ATL2: variants seen among roughly 807,000 people sequenced by gnomAD.
The protein encoded by ATL2 is atlastin GTPase 2, also known as atlastin-2.
ATL2 carries 31 observed loss-of-function variants against 73.9 expected under a neutral mutation model. The ratio of observed to expected loss-of-function variants is 0.42; its 90% CI spans 0.32 to 0.57. The LOEUF is 0.57. Ranked by LOEUF, ATL2 falls within the 20% of genes least tolerant of loss-of-function variation. ATL2 has a pLI of 0.14. For missense variants in ATL2, 738 were observed against 702.6 expected, an observed-to-expected ratio of 1.05 and a Z score of -0.57; for synonymous variants, 291 against 237.5, an observed-to-expected ratio of 1.23 and a Z score of -2.07.
At chr2:38,309,544 A>T (rs1207582777) in intron 8 of ATL2, 38 bp from the exon 9 acceptor site, 3 of 1,587,032 alleles carry the variant, frequency 1.9e-6, no homozygotes, top group Non-Finnish European at 2.6e-6. Context: ...TTAGTCCAAA[A>T]AAAATTAGGT....
intron 2 of ATL2, among the ~76,000 whole-genome samples, chr2:38,335,873 T>C (rs1000781848): frequency 2.0e-5 from 3 of 152,128 alleles, no homozygotes; most frequent in Non-Finnish European, 4.4e-5. Flanking sequence ...ACCCCGTCTC[T>C]ACTAAAAATA....
chr2:38,311,113 GAACAA>G (rs922942619), intron 7 of ATL2, among the ~76,000 whole-genome samples: 15 of 143,854 alleles, frequency 1.0e-4, no homozygotes, highest in African/African-American at 4.3e-4. Context: ...CAACAAAACA[GAACAA>G]AACAAAAAAA....
chr2:38,329,125 TAA>T (rs56248819), intron 2 of ATL2, among the ~76,000 whole-genome samples: 7 of 113,868 alleles, frequency 6.1e-5, no homozygotes, highest in Admixed American at 9.2e-5. Context: ...ATCATCTATT[TAA>T]AAAAAAAAAA....
chr2:38,359,497 C>T (rs1423850148), intron 1 of ATL2: 1 of 148,988 alleles, frequency 6.7e-6, no homozygotes, highest in East Asian at 2.0e-4. Flanking sequence ...AAAAAAAATG[C>T]TTTAAAGAGT....
intron 2 of ATL2, among the ~76,000 whole-genome samples, chr2:38,329,117 CATCT>C (rs1318573572): frequency 1.5e-5 from 2 of 136,720 alleles, no homozygotes; most frequent in African/African-American, 5.4e-5. Flanking sequence ...AGAACTAGAT[CATCT>C]ATTTAAAAAA....
intron 1 of ATL2, among the ~76,000 whole-genome samples, chr2:38,345,538 C>A (rs1195093009): frequency 6.6e-6 from 1 of 152,142 alleles, no homozygotes; most frequent in East Asian, 1.9e-4. Flanking sequence ...GAGCAAGCCA[C>A]TTCAAAGGAG....
intron 3 of ATL2, 120 bp from the exon 4 acceptor site, chr2:38,318,759 C>T (rs747636257): frequency 1.7e-5 from 23 of 1,321,336 alleles, no homozygotes; most frequent in South Asian, 4.3e-5. Flanking sequence ...ATATCTCATA[C>T]ATTTGACATA....
chr2:38,340,999 A>G (rs1669681702), intron 2 of ATL2, among the ~76,000 whole-genome samples: 1 of 152,218 alleles, frequency 6.6e-6, no homozygotes, highest in African/African-American at 2.4e-5. Flanking sequence ...ATACACGGCA[A>G]TGGGGGGCTG....
chr2:38,347,904 C>T (rs575230400), intron 1 of ATL2, among the ~76,000 whole-genome samples: 44 of 151,212 alleles, frequency 2.9e-4, no homozygotes, highest in African/African-American at 1.0e-3. Context: ...GTAGCTGGAA[C>T]AACAGATGCC....
rs963373432 is a variant in ATL2 at position 38,299,181 on chromosome 2, A to T, written c.1200+75T>A. The T allele has an allele frequency of 5.1e-5, 69 of 1,343,364 alleles. No individual in the cohort carries two copies. The African/African-American group carries it at 5.6e-4, about 11-fold the overall frequency. The allele number at this position is 1,343,364 out of a possible 1,614,324, so 83.2% of individuals were successfully genotyped here. On this transcript the variant is annotated intron_variant, in intron 11 of 12. Transcript: ENST00000378954. Reference sequence around the variant, plus strand: ...CACAAATTCGCTCAATTATTTAAAAAATTTTTTTAATTTTTTTTTTTTTAA... The same window carrying T: ...CACAAATTCGCTCAATTATTTAAAATATTTTTTTAATTTTTTTTTTTTTAA...
At chr2:38,347,279 T>C (rs890625548) in intron 1 of ATL2, among the ~76,000 whole-genome samples, 7 of 152,180 alleles carry the variant, frequency 4.6e-5, no homozygotes, top group Admixed American at 2.0e-4. Flanking sequence ...CACACTCCTA[T>C]TCATTCCCAA....
chr2:38,347,316 G>A (rs571571671), intron 1 of ATL2, among the ~76,000 whole-genome samples: 69 of 152,258 alleles, frequency 4.5e-4, no homozygotes, highest in Non-Finnish European at 6.6e-4. Context: ...CCTTCTTGCT[G>A]TTCCCTGATG....
intron 2 of ATL2, among the ~76,000 whole-genome samples, chr2:38,329,227 G>C (rs1466616400): frequency 6.7e-6 from 1 of 149,784 alleles, no homozygotes; most frequent in African/African-American, 2.5e-5. Context: ...AGGAGTTCAA[G>C]ACCAGCCTGG....
intron 2 of ATL2, among the ~76,000 whole-genome samples, chr2:38,342,611 T>A (rs1411888042): frequency 6.6e-6 from 1 of 152,202 alleles, no homozygotes; most frequent in Non-Finnish European, 1.5e-5. Flanking sequence ...TAAAACTGAC[T>A]TGTTTGAGGA....
At chr2:38,326,442 T>C (rs369664234) in intron 2 of ATL2, among the ~76,000 whole-genome samples, 25 of 152,006 alleles carry the variant, frequency 1.6e-4, no homozygotes, top group African/African-American at 4.1e-4. Context: ...AAGAAAAAAA[T>C]AGACTGAAAA....
intron 12 of ATL2, 36 bp downstream of exon 12, chr2:38,298,108 G>T (rs9678942): frequency 1.3e-6 from 2 of 1,539,270 alleles, no homozygotes; most frequent in East Asian, 2.3e-5. Context: ...AGGAAAATAA[G>T]ATTAGTCACT....
intron 2 of ATL2, among the ~76,000 whole-genome samples, chr2:38,339,031 C>T (rs1472014252): frequency 6.6e-6 from 1 of 152,098 alleles, no homozygotes; most frequent in Non-Finnish European, 1.5e-5. Flanking sequence ...GCCTAGCCAA[C>T]ATGGTGAAAC....
intron 3 of ATL2, 54 bp downstream of exon 3, chr2:38,318,831 T>C (rs1261085152): frequency 2.6e-6 from 4 of 1,567,848 alleles, no homozygotes; most frequent in Non-Finnish European, 3.5e-6. Context: ...TTTTTAATAC[T>C]GGAAAATAGC....
chr2:38,370,011 G>T (rs1395373647), intron 1 of ATL2, among the ~76,000 whole-genome samples: 1 of 151,144 alleles, frequency 6.6e-6, no homozygotes, highest in East Asian at 2.0e-4. Flanking sequence ...AAAATTAGCC[G>T]GGCGAGGTGG....
Sources: allele counts gnomAD v4.1 joint callset (sites outside exome capture counted in the v4.1 genomes callset), GRCh38; gene constraint gnomAD v4.1.1; transcripts MANE v1.5; gene names NCBI Gene and HGNC (gene_info 2026-07-23, HGNC 2026-07-21).